Variants in MYO1H observed in about 807,000 individuals in gnomAD.
The protein encoded by MYO1H is unconventional myosin-Ih.
Under a neutral mutation model 149.3 loss-of-function variants are expected in MYO1H, and 118 were observed. The observed-to-expected ratio is 0.79, with a 90% confidence interval of 0.68 to 0.92. The LOEUF (loss-of-function observed/expected upper bound fraction) is 0.92, where lower values mean the gene tolerates loss of function less well. Ranked by LOEUF, MYO1H falls within the 40% of genes least tolerant of loss-of-function variation. MYO1H has a pLI of 0.00. For synonymous variants in MYO1H, 447 were observed against 465.2 expected, an observed-to-expected ratio of 0.96 and a Z score of 0.50; for missense variants, 1,212 against 1,280.7, an observed-to-expected ratio of 0.95 and a Z score of 0.82.
At chr12:109,324,180 G>T in the MYO1H span, among the ~76,000 whole-genome samples, 1 of 152,266 alleles carries the variant, frequency 6.6e-6, no homozygotes, top group East Asian at 1.9e-4. Context: ...GGGCACTAAA[G>T]GATGAGGTCA....
intron 23 of MYO1H, among the ~76,000 whole-genome samples, chr12:109,439,236 G>A (rs867326212): frequency 5.9e-5 from 9 of 152,058 alleles, no homozygotes; most frequent in Middle Eastern, 6.8e-3. Flanking sequence ...CACCACACCC[G>A]GCTAAATTTT....
chr12:109,320,381 G>T, the MYO1H span, among the ~76,000 whole-genome samples: 7 of 151,414 alleles, frequency 4.6e-5, no homozygotes, highest in South Asian at 2.1e-4. Context: ...AGGCCAAGGT[G>T]GGGGGATCAC....
chr12:109,395,127 G>A (rs1355002682), intron 3 of MYO1H, among the ~76,000 whole-genome samples: 8 of 152,134 alleles, frequency 5.3e-5, no homozygotes. Flanking sequence ...TTATATTCCT[G>A]GGATACCTTC....
upstream of MYO1H, among the ~76,000 whole-genome samples, chr12:109,344,578 C>T (rs1240947267): frequency 6.6e-6 from 1 of 152,160 alleles, no homozygotes; most frequent in Non-Finnish European, 1.5e-5. Context: ...CCTACATATT[C>T]AATGCCATCC....
At chr12:109,327,131 TTTC>T in the MYO1H span, among the ~76,000 whole-genome samples, 27 of 130,274 alleles carry the variant, frequency 2.1e-4, 2 homozygotes, top group Middle Eastern at 3.7e-3. Flanking sequence ...TCTTTTTCTT[TTTC>T]TTTTTTTTTT....
chr12:109,348,104 A>G (rs1344595779), intron 1 of MYO1H, 132 bp downstream of exon 1: 1 of 397,930 alleles, frequency 2.5e-6, no homozygotes. Flanking sequence ...TAAGATTCTG[A>G]ATTTATTTGA....
At chr12:109,349,597 G>A (rs902029884) in intron 1 of MYO1H, among the ~76,000 whole-genome samples, 2 of 150,706 alleles carry the variant, frequency 1.3e-5, no homozygotes, top group Admixed American at 1.3e-4. Context: ...GGTGATCAAG[G>A]CTGCAGTGAA....
chr12:109,444,457 A>G (rs777321498), exon 30 of MYO1H: 2 of 1,613,958 alleles, frequency 1.2e-6, no homozygotes, highest in South Asian at 2.2e-5. Context: ...CAGTGTGGAC[A>G]CGTGTTTGAA....
intron 25 of MYO1H, among the ~76,000 whole-genome samples, chr12:109,441,074 C>A (rs1278080575): frequency 6.6e-6 from 1 of 152,246 alleles, no homozygotes; most frequent in Admixed American, 6.5e-5. Flanking sequence ...TGCCATCCAT[C>A]CACCGGAGCA....
intron 5 of MYO1H, among the ~76,000 whole-genome samples, chr12:109,399,591 CAAAAAAAA>C (rs34417905): frequency 4.3e-5 from 3 of 70,512 alleles, no homozygotes; most frequent in Admixed American, 1.5e-4. Flanking sequence ...GACTCTGTCT[CAAAAAAAA>C]AAAAAAAAAA....
chr12:109,355,415 G>C (rs1214378787), intron 1 of MYO1H, among the ~76,000 whole-genome samples: 1 of 152,172 alleles, frequency 6.6e-6, no homozygotes, highest in Non-Finnish European at 1.5e-5. Flanking sequence ...TGCAGATTCT[G>C]ACTCAAGCAG....
At chr12:109,410,328 G>C (rs1378092638) in intron 12 of MYO1H, among the ~76,000 whole-genome samples, 1 of 151,982 alleles carries the variant, frequency 6.6e-6, no homozygotes, top group Non-Finnish European at 1.5e-5. Context: ...TTTTTGTAGA[G>C]ACAGGGTCTC....
chr12:109,440,255 C>T (rs138172323), intron 24 of MYO1H, among the ~76,000 whole-genome samples: 12 of 152,244 alleles, frequency 7.9e-5, no homozygotes, highest in Admixed American at 2.0e-4. Flanking sequence ...AGGTTAGTCT[C>T]GAACTCCTGA....
At chr12:109,337,950 T>A in the MYO1H span, among the ~76,000 whole-genome samples, 1 of 152,128 alleles carries the variant, frequency 6.6e-6, no homozygotes, top group South Asian at 2.1e-4. Flanking sequence ...GATCTCTACA[T>A]AGGTACAAAA....
intron 2 of MYO1H, among the ~76,000 whole-genome samples, chr12:109,390,608 T>G (rs1372437672): frequency 6.6e-6 from 1 of 151,268 alleles, no homozygotes; most frequent in East Asian, 1.9e-4. Context: ...GTAGCGGGAG[T>G]GTTTTGCCCA....
At chr12:109,356,718 C>G (rs1487365601) in intron 1 of MYO1H, among the ~76,000 whole-genome samples, 7 of 152,098 alleles carry the variant, frequency 4.6e-5, no homozygotes, top group East Asian at 1.9e-4. Flanking sequence ...AGACTAATCT[C>G]TAAGGTAATT....
At chr12:109,325,612 CA>C in the MYO1H span, among the ~76,000 whole-genome samples, 1 of 151,858 alleles carries the variant, frequency 6.6e-6, no homozygotes, top group Non-Finnish European at 1.5e-5. Context: ...TTTTGCACAG[CA>C]AAAAAAGCTA....
chr12:109,337,321 C>A, the MYO1H span, among the ~76,000 whole-genome samples: 1 of 152,200 alleles, frequency 6.6e-6, no homozygotes, highest in East Asian at 1.9e-4. Flanking sequence ...GGCATGCCCA[C>A]TCCCGGGGAA....
intron 2 of MYO1H, among the ~76,000 whole-genome samples, chr12:109,392,408 G>T (rs2137037201): frequency 6.6e-6 from 1 of 152,252 alleles, no homozygotes; most frequent in East Asian, 1.9e-4. Context: ...TTCAAGCTCT[G>T]CTCAGGTGTC....
Sources: allele counts gnomAD v4.1 joint callset (sites outside exome capture counted in the v4.1 genomes callset), GRCh38; gene constraint gnomAD v4.1.1; transcripts MANE v1.5; gene names NCBI Gene and HGNC (gene_info 2026-07-23, HGNC 2026-07-21).